The following SPECC1L variants were observed in gnomAD, a reference collection of about 807,000 sequenced individuals.
The protein encoded by SPECC1L is cytospin-A.
In SPECC1L, 40 loss-of-function variants were observed where a neutral mutation model predicts 116.8. That is an observed-to-expected ratio of 0.34 (90% CI 0.27 to 0.45). SPECC1L has a LOEUF of 0.45. Ranked by LOEUF, SPECC1L falls within the 20% of genes least tolerant of loss-of-function variation. The pLI is 1.00. For missense variants in SPECC1L, 1,110 were observed against 1,373.6 expected (o/e 0.81, Z 3.03); for synonymous variants, 504 against 500.6 (o/e 1.01, Z -0.09).
At chr22:24,411,200 C>G (rs574704475) in intron 14 of SPECC1L, among the ~76,000 whole-genome samples, 12 of 134,840 alleles carry the variant, frequency 8.9e-5, no homozygotes, top group Non-Finnish European at 2.0e-4. Flanking sequence ...ACAAACAAAC[C>G]AAAAAAAACA....
intron 14 of SPECC1L, 151 bp from the exon 15 acceptor site, chr22:24,411,437 C>G: frequency 1.3e-6 from 1 of 763,526 alleles, no homozygotes; most frequent in South Asian, 1.4e-5. Flanking sequence ...GTCATAGATA[C>G]CAGGTAGCCC....
chr22:24,282,998 G>T lies in SPECC1L; in HGVS notation c.-38+6195G>T, dbSNP rs563361177. ...TCACCATGTTGGCCAGGCTGGTCTC[G>T]AACTCTTGACCTCAGGTGATCCACC... On this transcript the variant is annotated intron_variant, in intron 2 of 16. Coordinates refer to ENST00000314328, the MANE Select transcript of SPECC1L (RefSeq NM_015330.6). Among the ~76,000 whole-genome samples, 13 of 151,982 alleles carry T rather than the reference G, an allele frequency of 8.6e-5. No individual in the cohort carries two copies. The East Asian group carries it at 2.3e-3, about 27-fold the overall frequency.
At chr22:24,363,119 T>C (rs1432806052) in intron 11 of SPECC1L, 142 bp from the exon 12 acceptor site, 11 of 743,132 alleles carry the variant, frequency 1.5e-5, no homozygotes, top group Admixed American at 4.0e-5. Flanking sequence ...AAACAGACTA[T>C]GGGAAATTGT....
intron 14 of SPECC1L, among the ~76,000 whole-genome samples, chr22:24,379,102 CTTAAA>C (rs66734733): frequency 0.17 from 25,573 of 151,858 alleles, 2,630 homozygotes; most frequent in Admixed American, 0.23. Context: ...TAGACAATAA[CTTAAA>C]TTAAGTAATT....
chr22:24,383,741 A>G (rs1416952134), intron 14 of SPECC1L, among the ~76,000 whole-genome samples: 5 of 144,290 alleles, frequency 3.5e-5, no homozygotes, highest in Non-Finnish European at 6.0e-5. Context: ...GGTTCAAGTG[A>G]TGCTCCTGCC....
intron 11 of SPECC1L, among the ~76,000 whole-genome samples, chr22:24,360,393 C>G (rs545937875): frequency 8.5e-5 from 13 of 152,236 alleles, no homozygotes; most frequent in African/African-American, 2.9e-4. Flanking sequence ...AAACAATACC[C>G]TATTTGGGTT....
At chr22:24,286,977 G>A (rs995518387) in intron 2 of SPECC1L, among the ~76,000 whole-genome samples, 2 of 152,150 alleles carry the variant, frequency 1.3e-5, no homozygotes, top group African/African-American at 4.8e-5. Context: ...TTTGGTCTAA[G>A]TATACCCTAA....
At chr22:24,353,501 TGG>T (rs887274239) in intron 11 of SPECC1L, among the ~76,000 whole-genome samples, 1 of 152,150 alleles carries the variant, frequency 6.6e-6, no homozygotes, top group African/African-American at 2.4e-5. Flanking sequence ...CTCCGCCTCC[TGG>T]GTTCAACTCT....
At chr22:24,387,763 C>CA (rs1441107827) in intron 14 of SPECC1L, among the ~76,000 whole-genome samples, 2 of 152,182 alleles carry the variant, frequency 1.3e-5, no homozygotes, top group African/African-American at 4.8e-5. Flanking sequence ...TAAAACAACA[C>CA]ATATTTTTCA....
chr22:24,387,217 C>CA (rs942418004), intron 14 of SPECC1L, among the ~76,000 whole-genome samples: 44 of 151,584 alleles, frequency 2.9e-4, no homozygotes, highest in African/African-American at 5.3e-4. Flanking sequence ...ACAAAACAAG[C>CA]AAAAAAAAGA....
intron 3 of SPECC1L, among the ~76,000 whole-genome samples, chr22:24,306,527 T>G (rs1359806656): frequency 6.6e-6 from 1 of 152,098 alleles, no homozygotes; most frequent in Non-Finnish European, 1.5e-5. Flanking sequence ...ATTACAGATG[T>G]GTGTCACATA....
At chr22:24,333,231 A>C (rs185365166) in intron 8 of SPECC1L, among the ~76,000 whole-genome samples, 2 of 152,216 alleles carry the variant, frequency 1.3e-5, no homozygotes, top group Non-Finnish European at 2.9e-5. Context: ...CCATCTCAAA[A>C]AAAAGAAAAG....
chr22:24,390,992 C>T (rs761912061), intron 14 of SPECC1L, among the ~76,000 whole-genome samples: 12 of 149,008 alleles, frequency 8.1e-5, no homozygotes, highest in African/African-American at 1.5e-4. Context: ...TCTCCTGCCT[C>T]AGCCTCCTGA....
chr22:24,303,477 G>A (rs2049424038), intron 3 of SPECC1L, among the ~76,000 whole-genome samples: 1 of 152,150 alleles, frequency 6.6e-6, no homozygotes, highest in African/African-American at 2.4e-5. Flanking sequence ...TAAGACAGGT[G>A]GCATTTTCTG....
intron 5 of SPECC1L, 125 bp from the exon 6 acceptor site, chr22:24,324,095 T>C (rs1248941182): frequency 2.6e-6 from 2 of 762,288 alleles, no homozygotes; most frequent in Non-Finnish European, 4.6e-6. Context: ...ATTACACAGG[T>C]TGTTTTAGTT....
intron 9 of SPECC1L, 105 bp from the exon 10 acceptor site, chr22:24,338,281 C>A: frequency 9.4e-7 from 1 of 1,063,868 alleles, no homozygotes; most frequent in South Asian, 1.3e-5. Context: ...CAGTGTCCAG[C>A]GGGGTTTGAG....
intron 1 of SPECC1L, among the ~76,000 whole-genome samples, chr22:24,275,859 C>T (rs978328387): frequency 3.3e-5 from 5 of 152,078 alleles, no homozygotes; most frequent in Admixed American, 1.3e-4. Context: ...CAGGCCCGCA[C>T]CAGCACACCT....
chr22:24,281,854 T>G (rs1475450428), intron 2 of SPECC1L, among the ~76,000 whole-genome samples: 1 of 152,246 alleles, frequency 6.6e-6, no homozygotes, highest in Non-Finnish European at 1.5e-5. Flanking sequence ...TGGGTTCACC[T>G]TGCCCATTGC....
intron 14 of SPECC1L, among the ~76,000 whole-genome samples, chr22:24,370,351 TA>T (rs1226289340): frequency 6.6e-6 from 1 of 151,856 alleles, no homozygotes; most frequent in Non-Finnish European, 1.5e-5. Flanking sequence ...CAGTGGCAAG[TA>T]AAAAAGAGAA....
Sources: allele counts gnomAD v4.1 joint callset (sites outside exome capture counted in the v4.1 genomes callset), GRCh38; gene constraint gnomAD v4.1.1; transcripts MANE v1.5; gene names NCBI Gene and HGNC (gene_info 2026-07-23, HGNC 2026-07-21).